The following SIPA1L1 variants were observed in gnomAD, a reference collection of about 807,000 sequenced individuals.
SIPA1L1 encodes signal induced proliferation associated 1 like 1, also known as signal-induced proliferation-associated 1-like protein 1.
SIPA1L1 carries 26 observed loss-of-function variants against 162.7 expected under a neutral mutation model. The observed-to-expected ratio is 0.16, with a 90% CI of 0.12 to 0.22. SIPA1L1 has a LOEUF of 0.22. Among genes scored for constraint, SIPA1L1 ranks in the 10% least tolerant of loss-of-function variants. The pLI is 1.00. For synonymous variants in SIPA1L1, 829 were observed against 837.4 expected (o/e 0.99, Z 0.17); for missense variants, 1,874 against 2,241.0 (o/e 0.84, Z 3.31).
intron 2 of SIPA1L1, among the ~76,000 whole-genome samples, chr14:71,350,108 C>T (rs1019820698): frequency 2.0e-5 from 3 of 152,008 alleles, no homozygotes; most frequent in Non-Finnish European, 2.9e-5. Context: ...TGGGAGGTCT[C>T]GAACTCCTAT....
chr14:71,581,828 C>T lies in SIPA1L1; in HGVS notation c.-302-5743C>T, dbSNP rs547457897. On this transcript the variant is annotated intron_variant, in intron 4 of 23. Coordinates refer to ENST00000381232, the MANE Select transcript of SIPA1L1 (RefSeq NM_001386936.1). ...TTATTATAACTTATCACACCTCAAA[C>T]ACTATTTTCCTCTAATAATTCTGTT... 2.1e-4 allele frequency among the ~76,000 whole-genome samples: 32 copies of T among 152,278 alleles called. No individual in the cohort carries two copies. The South Asian group carries it at 2.3e-3, about 11-fold the overall frequency.
intron 22 of SIPA1L1, 62 bp from the exon 23 acceptor site, chr14:71,738,179 A>G (rs1050343817): frequency 3.5e-6 from 3 of 847,678 alleles, no homozygotes; most frequent in Non-Finnish European, 5.4e-6. Flanking sequence ...AAAAAAAAAA[A>G]AAAAAAACAA....
chr14:71,438,375 C>T (rs979007909), intron 2 of SIPA1L1, among the ~76,000 whole-genome samples: 1 of 152,160 alleles, frequency 6.6e-6, no homozygotes, highest in Non-Finnish European at 1.5e-5. Flanking sequence ...TCCCCTGTGG[C>T]CTTCCTGCTC....
chr14:71,527,336 T>C (rs76416968), intron 3 of SIPA1L1, among the ~76,000 whole-genome samples: 2,725 of 152,054 alleles, frequency 0.018, 31 homozygotes, highest in African/African-American at 0.027. Context: ...TATTTATTTT[T>C]ATTTTTTAAA....
At chr14:71,349,450 C>T (rs926804941) in intron 2 of SIPA1L1, among the ~76,000 whole-genome samples, 1 of 152,138 alleles carries the variant, frequency 6.6e-6, no homozygotes, top group African/African-American at 2.4e-5. Context: ...GTTCAGAATC[C>T]TTTGGGGGTA....
rs565708844 is a variant in SIPA1L1, at chr14:71,544,192, CAT to C, written c.-303+14825_-303+14826del. On this transcript the variant is annotated intron_variant, in intron 4 of 23. Transcript: ENST00000381232. ...ATATATGCACGTGTGTGTATATATA[CAT>C]ATGCATGTATGCACATGCATGTGTA... Among the ~76,000 whole-genome samples the C allele has an allele frequency of 1.7e-3, 251 of 150,638 alleles. 1 individual carries two copies. Among genetic ancestry groups the C allele is most frequent in the African/African-American group, 4.7e-3 (192 of 40,986 alleles).
chr14:71,655,237 C>G (rs2042960069), intron 8 of SIPA1L1, among the ~76,000 whole-genome samples: 2 of 152,138 alleles, frequency 1.3e-5, no homozygotes, highest in Admixed American at 6.6e-5. Context: ...CTTTCTGTTT[C>G]TGCGTTAATT....
chr14:71,334,757 CTT>C (rs2034910901), intron 2 of SIPA1L1, among the ~76,000 whole-genome samples: 1 of 151,852 alleles, frequency 6.6e-6, no homozygotes, highest in Non-Finnish European at 1.5e-5. Context: ...ATTCAGAAAA[CTT>C]ATATATTCTA....
At chr14:71,399,157 A>G (rs2041464522) in intron 2 of SIPA1L1, among the ~76,000 whole-genome samples, 1 of 152,176 alleles carries the variant, frequency 6.6e-6, no homozygotes, top group South Asian at 2.1e-4. Flanking sequence ...TCCTTGATGC[A>G]TATTCAAGTC....
chr14:71,640,737 GC>G, intron 7 of SIPA1L1, among the ~76,000 whole-genome samples: 1 of 152,130 alleles, frequency 6.6e-6, no homozygotes, highest in East Asian at 1.9e-4. Flanking sequence ...TGATTCTTGT[GC>G]CTCAGCCTCC....
At chr14:71,330,259 A>G (rs979184685) in intron 2 of SIPA1L1, 34 of 688,980 alleles carry the variant, frequency 4.9e-5, no homozygotes, top group Admixed American at 1.4e-4. Flanking sequence ...GAGGGGCTGA[A>G]AGTAGAAGTG....
At chr14:71,624,320 T>C (rs866976099) in intron 7 of SIPA1L1, 84 bp downstream of exon 7, 3 of 1,181,488 alleles carry the variant, frequency 2.5e-6, no homozygotes, top group Middle Eastern at 2.0e-4. Context: ...TTTCTTGTTT[T>C]GATGGAGATA....
At chr14:71,476,555 T>G (rs1310711287) in intron 2 of SIPA1L1, among the ~76,000 whole-genome samples, 1 of 152,230 alleles carries the variant, frequency 6.6e-6, no homozygotes, top group African/African-American at 2.4e-5. Flanking sequence ...TTATGTAAGT[T>G]AGTCATAAAA....
intron 5 of SIPA1L1, among the ~76,000 whole-genome samples, chr14:71,597,532 C>T (rs1358238843): frequency 6.6e-6 from 1 of 152,146 alleles, no homozygotes; most frequent in African/African-American, 2.4e-5. Context: ...TGCAGCTCCC[C>T]AGCTGATCTC....
chr14:71,671,483 C>G lies in SIPA1L1; in HGVS notation c.2620C>G (p.Leu874Val), dbSNP rs142489952. ...TGAAGACTACAACAAGGCCATGGAA[C>G]TAGACTGCCTTTTAGGGATCTCCAA... ...RAEDYNKAME[L>V]DCLLGISNEF... The change falls in exon 11 of 24, where the codon CTA becomes GTA. Residue 874 changes from leucine (L) to valine (V), a missense_variant. This residue lies in a region of SIPA1L1 where 243 missense variants were observed against 315.0 expected (regional missense o/e 0.77). Coordinates refer to ENST00000381232, the MANE Select transcript of SIPA1L1 (RefSeq NM_001386936.1). 5.6e-6 allele frequency: 9 copies of G among 1,614,004 alleles called. No individual in the cohort carries two copies. In the African/African-American group the frequency reaches 9.3e-5, roughly 17 times the overall value.
At chr14:71,667,487 C>T (rs2044128463) in intron 10 of SIPA1L1, among the ~76,000 whole-genome samples, 1 of 152,164 alleles carries the variant, frequency 6.6e-6, no homozygotes, top group Admixed American at 6.5e-5. Context: ...ATAGTAGGTA[C>T]TCAGTGACTG....
chr14:71,624,512 G>A (rs568068622), intron 7 of SIPA1L1, among the ~76,000 whole-genome samples: 1 of 152,236 alleles, frequency 6.6e-6, no homozygotes, highest in African/African-American at 2.4e-5. Flanking sequence ...AGTTTTTCGA[G>A]TGTCCAAGAA....
intron 5 of SIPA1L1, among the ~76,000 whole-genome samples, chr14:71,607,542 T>C (rs1334219313): frequency 6.6e-6 from 1 of 152,022 alleles, no homozygotes; most frequent in Admixed American, 6.6e-5. Context: ...TTTCAAGTGG[T>C]TAATCTTTCC....
chr14:71,710,180 C>T (rs1351318744), intron 17 of SIPA1L1, among the ~76,000 whole-genome samples: 1 of 152,192 alleles, frequency 6.6e-6, no homozygotes, highest in Non-Finnish European at 1.5e-5. Context: ...TGGCTCCTGG[C>T]AGCAATGGGT....
Sources: gnomAD v4.1 joint callset for allele counts (sites outside exome capture counted in the v4.1 genomes callset) on GRCh38, gnomAD v4.1.1 for gene constraint, gnomAD v4.1.1 regional missense constraint, MANE v1.5 for transcripts, NCBI Gene and HGNC (gene_info 2026-07-23, HGNC 2026-07-21) for gene names.